Variants in XYLT1 observed in about 807,000 individuals in gnomAD.
XYLT1 encodes the protein beta-D-xylosyltransferase 1.
A neutral mutation model predicts 91.3 loss-of-function variants in XYLT1; 36 were observed. The ratio of observed to expected loss-of-function variants is 0.39; its 90% CI spans 0.30 to 0.52. The LOEUF (loss-of-function observed/expected upper bound fraction) is 0.52. Among genes scored for constraint, XYLT1 ranks in the 20% least tolerant of loss-of-function variants. The probability of loss-of-function intolerance (pLI) is 0.68; values close to 1 mark genes in which losing one functional copy is unlikely to be tolerated. For synonymous variants in XYLT1, 588 were observed against 532.0 expected (o/e 1.11, Z -1.45); for missense variants, 1,242 against 1,284.5 (o/e 0.97, Z 0.51).
intron 1 of XYLT1, among the ~76,000 whole-genome samples, chr16:17,424,177 A>G (rs997672162): frequency 6.6e-6 from 1 of 152,244 alleles, no homozygotes; most frequent in African/African-American, 2.4e-5. Flanking sequence ...TTTAAAACCC[A>G]AAAAGATCTG....
chr16:17,363,146 T>C lies in XYLT1; in HGVS notation c.364-5096A>G, dbSNP rs115401891. Among the ~76,000 whole-genome samples the C allele has an allele frequency of 5.7e-3, 866 of 152,308 alleles. 6 individuals are homozygous for C. The highest frequency in any genetic ancestry group is 0.018 in the African/African-American group (759 of 41,564). ...AAACTCACTCATGACTCGAGCCTGC[T>C]GGAGAATGTCCAGCTCTAGCCAAGT... On this transcript the variant is annotated intron_variant, in intron 1 of 11. Coordinates refer to ENST00000261381, the MANE Select transcript of XYLT1 (RefSeq NM_022166.4).
At position 17,138,515 on chromosome 16, in the gene XYLT1, A is replaced by C; in HGVS notation, c.1604T>G (p.Val535Gly). 2 of 1,614,056 alleles carry C rather than the reference A, an allele frequency of 1.2e-6. No homozygotes were observed. Among genetic ancestry groups the C allele is most frequent in the Non-Finnish European group, 1.7e-6 (2 of 1,179,994 alleles). ...LLPAESFFHT[V>G]LENSPHCDTM... is the part of the protein sequence containing the mutation. ...GTCGCAGTGGGGGCTGTTCTCCAGG[A>C]CCGTATGGAAGAAGGACTGCAGGGG... The change falls in exon 8 of 12, where the codon GTC (valine) becomes GGC (glycine). Residue 535 changes from valine (V) to glycine (G), a missense_variant. By Grantham distance (109) the Val-to-Gly change is moderately radical. Around this residue, in one of 3 missense-constraint regions of XYLT1, gnomAD observed 294 missense variants for 376.0 expected, o/e 0.78. Coordinates refer to ENST00000261381, the MANE Select transcript of XYLT1 (RefSeq NM_022166.4).
At chr16:17,174,624 G>C (rs1396243844) in intron 5 of XYLT1, among the ~76,000 whole-genome samples, 1 of 152,172 alleles carries the variant, frequency 6.6e-6, no homozygotes, top group Non-Finnish European at 1.5e-5. Context: ...GGGGGTCAGA[G>C]GGGAATGAGG....
At chr16:17,322,785 A>G (rs565879872) in intron 2 of XYLT1, among the ~76,000 whole-genome samples, 1 of 152,186 alleles carries the variant, frequency 6.6e-6, no homozygotes, top group Non-Finnish European at 1.5e-5. Flanking sequence ...CTTTAAAAGA[A>G]CCCAACACTT....
At chr16:17,341,668 CA>C (rs972817454) in intron 2 of XYLT1, among the ~76,000 whole-genome samples, 2 of 148,212 alleles carry the variant, frequency 1.3e-5, no homozygotes, top group Admixed American at 6.7e-5. Flanking sequence ...GAAGTAGTAG[CA>C]AAAAAAAAAT....
intron 7 of XYLT1, among the ~76,000 whole-genome samples, chr16:17,140,393 G>A (rs1470264703): frequency 2.0e-5 from 3 of 152,132 alleles, no homozygotes; most frequent in Non-Finnish European, 4.4e-5. Context: ...GGGCATGGTG[G>A]CTCATGCCTG....
intron 1 of XYLT1, among the ~76,000 whole-genome samples, chr16:17,359,799 C>T (rs1286207770): frequency 6.6e-6 from 1 of 152,192 alleles, no homozygotes; most frequent in African/African-American, 2.4e-5. Context: ...GAAGAAGTGG[C>T]AGCTAGGATT....
At chr16:17,176,966 T>C (rs1016392024) in intron 5 of XYLT1, among the ~76,000 whole-genome samples, 1 of 152,124 alleles carries the variant, frequency 6.6e-6, no homozygotes, top group Non-Finnish European at 1.5e-5. Flanking sequence ...AAGCTTGGAC[T>C]CCTTAACCTG....
chr16:17,310,383 G>A (rs761063691), intron 2 of XYLT1, among the ~76,000 whole-genome samples: 29 of 152,128 alleles, frequency 1.9e-4, no homozygotes, highest in Non-Finnish European at 3.7e-4. Context: ...TACAGTCTCC[G>A]TACACTGGGA....
chr16:17,226,865 C>T (rs1473080697), intron 3 of XYLT1, among the ~76,000 whole-genome samples: 1 of 152,206 alleles, frequency 6.6e-6, no homozygotes, highest in Non-Finnish European at 1.5e-5. Flanking sequence ...GGGTCCATCA[C>T]TGTGTGGCCT....
At chr16:17,349,509 G>A (rs1317175526) in intron 2 of XYLT1, among the ~76,000 whole-genome samples, 1 of 151,918 alleles carries the variant, frequency 6.6e-6, no homozygotes, top group East Asian at 1.9e-4. Context: ...TCTGGCTTTA[G>A]CAGGCTCCTC....
Position 17,324,030 on chromosome 16 carries a change from GA to G in XYLT1, c.402+33981del, listed in dbSNP as rs781121420. On this transcript the variant is annotated intron_variant, in intron 2 of 11. Transcript: ENST00000261381. ...GAAGACATGTCACAACAGCTGGGTA[GA>G]AAGCTCATTTGTTTTAGACAGGCAC... Among the ~76,000 whole-genome samples the G allele has an allele frequency of 4.9e-4, 75 of 152,188 alleles. 3 individuals are homozygous for G. Among genetic ancestry groups the G allele is most frequent in the Non-Finnish European group, 8.8e-5 (6 of 68,038 alleles).
Position 17,381,729 on chromosome 16 carries a change from AAT to A in XYLT1, c.364-23681_364-23680del, listed in dbSNP as rs200967403. 2.4e-4 allele frequency among the ~76,000 whole-genome samples: 36 copies of A among 152,274 alleles called. No homozygotes were observed. In the East Asian group the frequency reaches 5.0e-3, roughly 21 times the overall value. On this transcript the variant is annotated intron_variant, in intron 1 of 11. Coordinates refer to ENST00000261381, the MANE Select transcript of XYLT1 (RefSeq NM_022166.4). ...GGTGTGAGCCACTGTGCCTGGTCGC[AAT>A]ATCTTAATAAAATAAATGGAGATTG...
chr16:17,298,807 T>C (rs1477321119), intron 2 of XYLT1, among the ~76,000 whole-genome samples: 1 of 152,152 alleles, frequency 6.6e-6, no homozygotes, highest in African/African-American at 2.4e-5. Context: ...AATATCCGTC[T>C]GGATATCCTC....
chr16:17,382,751 A>G (rs1033368047), intron 1 of XYLT1, among the ~76,000 whole-genome samples: 4 of 151,808 alleles, frequency 2.6e-5, no homozygotes, highest in Non-Finnish European at 5.9e-5. Flanking sequence ...AACAGTCCCC[A>G]TACTCCAGAT....
intron 8 of XYLT1, among the ~76,000 whole-genome samples, chr16:17,136,800 C>T (rs1265487069): frequency 1.3e-5 from 2 of 152,106 alleles, no homozygotes; most frequent in Non-Finnish European, 2.9e-5. Context: ...TCTCTGCTTG[C>T]TGTGAACACA....
At chr16:17,295,673 A>C (rs2034299267) in intron 2 of XYLT1, among the ~76,000 whole-genome samples, 1 of 152,202 alleles carries the variant, frequency 6.6e-6, no homozygotes, top group African/African-American at 2.4e-5. Flanking sequence ...TATAGTTCTT[A>C]ACTGGGTCAA....
intron 5 of XYLT1, among the ~76,000 whole-genome samples, chr16:17,163,880 C>T (rs1397530677): frequency 6.6e-6 from 1 of 151,732 alleles, no homozygotes; most frequent in Non-Finnish European, 1.5e-5. Flanking sequence ...GAAACCCCGT[C>T]TCTACTAAAA....
intron 9 of XYLT1, among the ~76,000 whole-genome samples, chr16:17,132,385 G>A (rs1025194617): frequency 2.0e-5 from 3 of 152,100 alleles, no homozygotes; most frequent in South Asian, 2.1e-4. Context: ...GAGAAGGGGT[G>A]GCTGTGCAGT....
Sources: allele counts gnomAD v4.1 joint callset (sites outside exome capture counted in the v4.1 genomes callset), GRCh38; gene constraint gnomAD v4.1.1; regional missense constraint gnomAD v4.1.1; transcripts MANE v1.5; gene names NCBI Gene and HGNC (gene_info 2026-07-23, HGNC 2026-07-21).